Variants in EDA observed in about 807,000 individuals in gnomAD.
The protein encoded by EDA is ectodysplasin A, also known as ectodysplasin-A.
A neutral mutation model predicts 23.6 loss-of-function variants in EDA; 2 were observed. The ratio of observed to expected loss-of-function variants is 0.08; its 90% confidence interval spans 0.03 to 0.27. The LOEUF (loss-of-function observed/expected upper bound fraction) is 0.27, where lower values mean the gene tolerates loss of function less well. EDA is among the 10% of genes least tolerant of loss of function. The pLI is 1.00. For synonymous variants in EDA, 131 were observed against 132.0 expected (o/e 0.99, Z 0.05); for missense variants, 229 against 324.2 (o/e 0.71, Z 2.26).
chrX:69,994,873 T>C (rs1360420964), intron 2 of EDA, among the ~76,000 whole-genome samples: 1 of 111,946 alleles, frequency 8.9e-6, no homozygotes, highest in African/African-American at 3.2e-5. Context: ...TTTAAAATGG[T>C]AGTGATTTTA....
At chrX:70,004,773 G>T (rs2019779907) in intron 2 of EDA, among the ~76,000 whole-genome samples, 1 of 111,860 alleles carries the variant, frequency 8.9e-6, no homozygotes, top group African/African-American at 3.3e-5. Flanking sequence ...CTCTGGTATT[G>T]TTCTCAACAT....
intron 1 of EDA, among the ~76,000 whole-genome samples, chrX:69,744,951 A>ATAT (rs2147378889): frequency 8.9e-6 from 1 of 111,736 alleles, no homozygotes; most frequent in South Asian, 3.7e-4. Context: ...CTCTGCCTGA[A>ATAT]GTCACGTCCA....
At chrX:69,868,276 A>C (rs752681224) in intron 1 of EDA, among the ~76,000 whole-genome samples, 19 of 112,241 alleles carry the variant, frequency 1.7e-4, no homozygotes, top group Non-Finnish European at 3.2e-4. Context: ...CAAAACTGGC[A>C]GCCTTTCAGG....
In EDA at chrX:69,723,472, A is replaced by C. The variant is rs1477681325; in HGVS notation, c.396+106768A>C. 2.7e-5 allele frequency among the ~76,000 whole-genome samples: 3 copies of C among 112,104 alleles called. No individual in the cohort carries two copies. In the East Asian group the frequency reaches 8.3e-4, roughly 31 times the overall value. ...ACTTAGTAACTTGAACTTTCTGAACAGGAATCATATCTAATTTTATATTTT... is the reference window on the plus strand; with the variant it reads ...ACTTAGTAACTTGAACTTTCTGAACCGGAATCATATCTAATTTTATATTTT... On this transcript the variant is annotated intron_variant, in intron 1 of 7. Transcript: ENST00000374552.
At chrX:69,855,756 G>C (rs1278169046) in intron 1 of EDA, among the ~76,000 whole-genome samples, 2 of 111,628 alleles carry the variant, frequency 1.8e-5, no homozygotes, top group African/African-American at 6.5e-5. Context: ...CATGTTACCT[G>C]CAGCTTTGTT....
intron 2 of EDA, among the ~76,000 whole-genome samples, chrX:70,009,103 T>C (rs1011961556): frequency 1.5e-4 from 17 of 111,766 alleles, no homozygotes; most frequent in Admixed American, 1.9e-4. Flanking sequence ...TCTTTTAATG[T>C]CCATGGGATC....
intron 1 of EDA, among the ~76,000 whole-genome samples, chrX:69,799,346 C>T (rs1041488632): frequency 4.5e-5 from 5 of 111,098 alleles, no homozygotes; most frequent in African/African-American, 1.6e-4. Context: ...AGGATCACAT[C>T]AAGTTTAAAA....
At chrX:69,694,807 G>T (rs1792429214) in intron 1 of EDA, among the ~76,000 whole-genome samples, 1 of 111,621 alleles carries the variant, frequency 9.0e-6, no homozygotes, top group Admixed American at 9.5e-5. Flanking sequence ...ACACATCCAT[G>T]CAAATATAAC....
Position 69,921,545 on chromosome X carries a change from T to A in EDA, c.397-35482T>A, listed in dbSNP as rs1455504742. On this transcript the variant is annotated intron_variant, in intron 1 of 7. Coordinates refer to ENST00000374552, the MANE Select transcript of EDA (RefSeq NM_001399.5). ...CATCCACCATCCATTTACTTGATCATCCGATTCCAATTTGTGGCTATAGTG... is the reference window on the plus strand; with the variant it reads ...CATCCACCATCCATTTACTTGATCAACCGATTCCAATTTGTGGCTATAGTG... 2.7e-5 allele frequency among the ~76,000 whole-genome samples: 3 copies of A among 110,508 alleles called. No individual in the cohort carries two copies. The Admixed American group carries it at 2.9e-4, about 11-fold the overall frequency.
At chrX:69,648,543 T>A (rs1490898615) in intron 1 of EDA, among the ~76,000 whole-genome samples, 2 of 112,439 alleles carry the variant, frequency 1.8e-5, no homozygotes, top group South Asian at 3.7e-4. Flanking sequence ...TTCTCCAAAG[T>A]TGGCAGGTTG....
At position 69,862,768 on chromosome X, in the gene EDA, T is replaced by A. The variant is rs138679509; in HGVS notation, c.397-94259T>A. 4.4e-4 allele frequency among the ~76,000 whole-genome samples: 49 copies of A among 111,436 alleles called. No individual in the cohort carries two copies. In the East Asian group the frequency reaches 0.013, roughly 30 times the overall value. ...CAAGAACATATTTTAAAACAACCAC[T>A]GAGTGGCAACTGAGTGAAGTAGAGT... On this transcript the variant is annotated intron_variant, in intron 1 of 7. Transcript: ENST00000374552.
intron 1 of EDA, among the ~76,000 whole-genome samples, chrX:69,768,612 C>A (rs749133816): frequency 9.0e-6 from 1 of 110,845 alleles, no homozygotes; most frequent in Non-Finnish European, 1.9e-5. Flanking sequence ...ATATTAAGTC[C>A]CAAAAAAGTA....
In EDA at chrX:69,706,125, C is replaced by A. The variant is rs190964562; in HGVS notation, c.396+89421C>A. Among the ~76,000 whole-genome samples, 137 of 111,995 alleles carry A rather than the reference C, an allele frequency of 1.2e-3. 1 individual carries two copies. Among genetic ancestry groups the A allele is most frequent in the Admixed American group, 0.012 (129 of 10,553 alleles). On this transcript the variant is annotated intron_variant, in intron 1 of 7. Transcript: ENST00000374552. ...ATAGATGTAAATTTATTTTACAAAA[C>A]GTCTCAAAATAACTAAAAATAGGCA...
intron 1 of EDA, among the ~76,000 whole-genome samples, chrX:69,831,185 G>A (rs2016600810): frequency 9.0e-6 from 1 of 111,186 alleles, no homozygotes. Flanking sequence ...ATTTACGTTA[G>A]GTACTACTCC....
chrX:70,028,316 T>C (rs1732947425), intron 4 of EDA, among the ~76,000 whole-genome samples: 1 of 111,532 alleles, frequency 9.0e-6, no homozygotes, highest in Non-Finnish European at 1.9e-5. Flanking sequence ...TTGGCCTCCC[T>C]GTAGTGGACC....
intron 7 of EDA, 32 bp downstream of exon 7, chrX:70,033,560 T>A (rs1228781061): frequency 1.7e-6 from 2 of 1,205,465 alleles, no homozygotes; most frequent in Non-Finnish European, 2.2e-6. Flanking sequence ...ACTCTTCTTA[T>A]ATCCAGAATG....
At chrX:69,966,334 C>A (rs1432140612) in intron 2 of EDA, among the ~76,000 whole-genome samples, 1 of 111,451 alleles carries the variant, frequency 9.0e-6, no homozygotes, top group African/African-American at 3.3e-5. Flanking sequence ...AATCCCAACA[C>A]TTTGGGAGGC....
chrX:70,024,819 TAAGG>T lies in EDA; in HGVS notation c.526+1581_526+1584del, dbSNP rs1365868404. ...TTGATTTTGGGCTTAGCTAAAAGGTTAAGGAAATACTCCTTTGATGAAGTTTAGC... is the reference window on the plus strand; with the variant it reads ...TTGATTTTGGGCTTAGCTAAAAGGTTAAATACTCCTTTGATGAAGTTTAGC... On this transcript the variant is annotated intron_variant, in intron 3 of 7. Transcript: ENST00000374552. Among the ~76,000 whole-genome samples the T allele has an allele frequency of 4.4e-5, 5 of 112,596 alleles. No homozygotes were observed. The East Asian group carries it at 1.4e-3, about 31-fold the overall frequency.
At chrX:69,897,209 C>G (rs181443243) in intron 1 of EDA, among the ~76,000 whole-genome samples, 1 of 111,092 alleles carries the variant, frequency 9.0e-6, no homozygotes, top group East Asian at 2.8e-4. Flanking sequence ...CTTTGATATA[C>G]ACACTCCTCC....
Sources: allele counts gnomAD v4.1 joint callset (sites outside exome capture counted in the v4.1 genomes callset), GRCh38; gene constraint gnomAD v4.1.1; transcripts MANE v1.5; gene names NCBI Gene and HGNC (gene_info 2026-07-23, HGNC 2026-07-21).